Variants in IPO5 observed in about 807,000 individuals in gnomAD.
IPO5 encodes the protein importin-5.
In IPO5, 18 loss-of-function variants were observed where a neutral mutation model predicts 143.3. The ratio of observed to expected loss-of-function variants is 0.13; its 90% CI spans 0.09 to 0.19. The LOEUF is 0.19. Ranked by LOEUF, IPO5 falls within the 10% of genes least tolerant of loss-of-function variation. IPO5 has a pLI of 1.00. For missense variants in IPO5, 1,013 were observed against 1,336.9 expected, an observed-to-expected ratio of 0.76 and a Z score of 3.78; for synonymous variants, 477 against 465.7, an observed-to-expected ratio of 1.02 and a Z score of -0.31.
chr13:98,012,122 C>A (rs564208758), intron 20 of IPO5, 124 bp from the exon 21 acceptor site: 2 of 629,640 alleles, frequency 3.2e-6, no homozygotes, highest in Admixed American at 5.3e-5. Context: ...GTTCTACATG[C>A]AACTTTAAAT....
chr13:97,976,759 C>T lies in IPO5; in HGVS notation c.63C>T (p.Pro21=), dbSNP rs1886376318. The T allele has an allele frequency of 1.4e-6, 2 of 1,413,116 alleles. No homozygotes were observed. Among genetic ancestry groups the T allele is most frequent in the Non-Finnish European group, 1.9e-6 (2 of 1,058,680 alleles). The allele number at this position is 1,413,116 out of a possible 1,614,324, so 87.5% of individuals were successfully genotyped here. ...FYLLLGNLLS[P]DNVVRKQAEE... ...TGCTCCTGGGAAACCTGCTCAGCCC[C>T]GACAATGTGGTCCGGAAACAGGCAG... Residue 21 remains proline, a synonymous_variant, in exon 4 of 29, where the codon CCC becomes CCT. Coordinates refer to ENST00000651721, the MANE Select transcript of IPO5 (RefSeq NM_002271.6).
At chr13:97,996,078 G>A (rs1033599206) in intron 11 of IPO5, among the ~76,000 whole-genome samples, 3 of 152,144 alleles carry the variant, frequency 2.0e-5, no homozygotes, top group Non-Finnish European at 4.4e-5. Context: ...AGGCTGAGAA[G>A]AGGAAATTCA....
chr13:97,971,585 C>A (rs975745225), intron 3 of IPO5, among the ~76,000 whole-genome samples: 1 of 152,050 alleles, frequency 6.6e-6, no homozygotes, highest in Non-Finnish European at 1.5e-5. Context: ...ATAGAAAATA[C>A]GCAAGTAGAT....
At position 97,970,432 on chromosome 13, in the gene IPO5, A is replaced by G. The variant is rs999187804; in HGVS notation, c.-5+602A>G. On this transcript the variant is annotated intron_variant, in intron 3 of 28. Transcript: ENST00000651721. The stretch of plus-strand genomic sequence containing the variant: ...TCAGGAGTTCGAGACAAGCCTGGCC[A>G]AGATGGTGAAACCCCGTCTCTACTA... 3.9e-5 allele frequency among the ~76,000 whole-genome samples: 6 copies of G among 152,202 alleles called. No individual in the cohort carries two copies. In the East Asian group the frequency reaches 1.2e-3, roughly 30 times the overall value.
At chr13:97,982,637 G>A in intron 5 of IPO5, 54 bp downstream of exon 5, 1 of 1,089,282 alleles carries the variant, frequency 9.2e-7, no homozygotes, top group Non-Finnish European at 1.4e-6. Flanking sequence ...GTTATTAGAT[G>A]ATGATCATAG....
rs546249856 is a variant in IPO5 at position 97,991,618 on chromosome 13, G to A, written c.669+1081G>A. Among the ~76,000 whole-genome samples, 5 of 152,282 alleles carry A rather than the reference G, an allele frequency of 3.3e-5. No individual in the cohort carries two copies. The South Asian group carries it at 1.0e-3, about 32-fold the overall frequency. On this transcript the variant is annotated intron_variant, in intron 9 of 28. Coordinates refer to ENST00000651721, the MANE Select transcript of IPO5 (RefSeq NM_002271.6). ...AGTCAGAAATCCGAAATACTCAAAT[G>A]CGCATTTCCTTTGAGTGACGTGTCT...
intron 27 of IPO5, among the ~76,000 whole-genome samples, chr13:98,020,779 A>G (rs1160005351): frequency 6.6e-6 from 1 of 152,192 alleles, no homozygotes; most frequent in East Asian, 1.9e-4. Context: ...TAAGGTATTT[A>G]GAGCATTCTG....
Position 98,002,558 on chromosome 13 carries a change from C to T in IPO5, c.1200C>T (p.Ile400=), listed in dbSNP as rs770867847. ...AAATGGAAGGAATTCTAAATGAGAT[C>T]GTAAATTTTGTTTTACTTTTTCTCC... The part of the protein sequence containing the change: ...HQQMEGILNE[I]VNFVLLFLQD... The change falls in exon 14 of 29, where the codon ATC becomes ATT. Residue 400 remains isoleucine, a synonymous_variant. Transcript: ENST00000651721. 2.5e-6 allele frequency: 4 copies of T among 1,613,626 alleles called. No individual in the cohort carries two copies. Among genetic ancestry groups the T allele is most frequent in the African/African-American group, 1.3e-5 (1 of 74,886 alleles).
intron 11 of IPO5, among the ~76,000 whole-genome samples, chr13:97,993,448 T>A (rs546610647): frequency 6.6e-6 from 1 of 152,334 alleles, no homozygotes; most frequent in Admixed American, 6.5e-5. Context: ...GTGTTAAAAA[T>A]AACATTTCTA....
At chr13:97,995,870 A>C (rs1888241805) in intron 11 of IPO5, among the ~76,000 whole-genome samples, 1 of 152,210 alleles carries the variant, frequency 6.6e-6, no homozygotes, top group African/African-American at 2.4e-5. Context: ...ATATTTTACA[A>C]GTAATGCTTA....
intron 11 of IPO5, among the ~76,000 whole-genome samples, chr13:97,995,794 C>G (rs140169419): frequency 6.6e-6 from 1 of 152,000 alleles, no homozygotes; most frequent in Admixed American, 6.6e-5. Flanking sequence ...GGGGTCTACT[C>G]AAGACCTGAA....
intron 11 of IPO5, among the ~76,000 whole-genome samples, chr13:97,994,206 G>T (rs1343151053): frequency 6.6e-6 from 1 of 152,170 alleles, no homozygotes; most frequent in Admixed American, 6.5e-5. Context: ...TACTCGGGAG[G>T]CTGAGGCAGG....
chr13:97,958,481 C>T (rs1299479789), intron 2 of IPO5, among the ~76,000 whole-genome samples: 1 of 152,098 alleles, frequency 6.6e-6, no homozygotes, highest in Non-Finnish European at 1.5e-5. Flanking sequence ...GCTTAAGTGT[C>T]AGGGACTCTC....
chr13:98,010,152 C>T lies in IPO5; in HGVS notation c.1983C>T (p.Asn661=). ...MSDDDGWEFV[N]LGDQQSFGIK... The stretch of plus-strand genomic sequence containing the variant: ...ATGATGATGGTTGGGAATTTGTGAA[C>T]CTTGGAGATCAGCAAAGCTTTGGTA... The change falls in exon 20 of 29, where the codon AAC becomes AAT. Residue 661 remains asparagine, a synonymous_variant. Coordinates refer to ENST00000651721, the MANE Select transcript of IPO5 (RefSeq NM_002271.6). 6.2e-7 allele frequency: 1 copy of T among 1,614,016 alleles called. No homozygotes were observed. The highest frequency in any genetic ancestry group is 2.2e-5 in the East Asian group (1 of 44,872).
chr13:97,987,962 TAAGCTGCTA>T, intron 6 of IPO5: 1 of 276,246 alleles, frequency 3.6e-6, no homozygotes, highest in Middle Eastern at 7.5e-4. Flanking sequence ...TTTTTTTTTT[TAAGCTGCTA>T]TTTTATTTCC....
At chr13:98,021,658 A>G (rs757290657) in intron 28 of IPO5, 78 bp from the exon 29 acceptor site, 2 of 759,028 alleles carry the variant, frequency 2.6e-6, no homozygotes, top group Non-Finnish European at 4.1e-6. Context: ...CCATGATTAC[A>G]GTTTACCTAT....
At chr13:98,000,233 C>T (rs1246260726) in intron 12 of IPO5, among the ~76,000 whole-genome samples, 6 of 151,460 alleles carry the variant, frequency 4.0e-5, no homozygotes, top group Admixed American at 1.3e-4. Context: ...TGCAGTGAGC[C>T]GAGATCGTGC....
chr13:97,982,688 CT>C, intron 5 of IPO5, 105 bp downstream of exon 5: 1 of 753,460 alleles, frequency 1.3e-6, no homozygotes, highest in Non-Finnish European at 2.2e-6. Flanking sequence ...ACCACATAGA[CT>C]TTACTAGAAC....
intron 21 of IPO5, 43 bp from the exon 22 acceptor site, chr13:98,013,999 G>A (rs1889917343): frequency 1.3e-6 from 2 of 1,561,658 alleles, no homozygotes; most frequent in African/African-American, 1.4e-5. Context: ...TAACATTTAA[G>A]CAAAATAATA....
Sources: gnomAD v4.1 joint callset for allele counts (sites outside exome capture counted in the v4.1 genomes callset) on GRCh38, gnomAD v4.1.1 for gene constraint, MANE v1.5 for transcripts, NCBI Gene and HGNC (gene_info 2026-07-23, HGNC 2026-07-21) for gene names.